Variants in CACNA2D3 observed in about 807,000 individuals in gnomAD.
The protein encoded by CACNA2D3 is voltage-dependent calcium channel subunit alpha-2/delta-3.
Under a neutral mutation model 160.6 loss-of-function variants are expected in CACNA2D3, and 60 were observed. The observed-to-expected ratio is 0.37, with a 90% CI of 0.30 to 0.46. The LOEUF (loss-of-function observed/expected upper bound fraction) is 0.46, where lower values mean the gene tolerates loss of function less well. Among genes scored for constraint, CACNA2D3 ranks in the 20% least tolerant of loss-of-function variants. The probability of loss-of-function intolerance (pLI) is 1.00; values close to 1 mark genes in which losing one functional copy is unlikely to be tolerated. For missense variants in CACNA2D3, 1,205 were observed against 1,365.0 expected, an observed-to-expected ratio of 0.88 and a Z score of 1.85; for synonymous variants, 558 against 492.9, an observed-to-expected ratio of 1.13 and a Z score of -1.75.
chr3:54,773,533 A>G (rs1702358829), intron 13 of CACNA2D3, among the ~76,000 whole-genome samples: 2 of 152,222 alleles, frequency 1.3e-5, no homozygotes, highest in Admixed American at 6.5e-5. Flanking sequence ...ATTAAATTTA[A>G]TAGCCTCCAG....
chr3:54,862,191 G>A (rs1479912875), intron 17 of CACNA2D3, among the ~76,000 whole-genome samples: 2 of 152,112 alleles, frequency 1.3e-5, no homozygotes, highest in Non-Finnish European at 2.9e-5. Context: ...CAGAAGAAGG[G>A]CCACCCCATT....
chr3:54,562,424 A>G (rs1702340336), intron 5 of CACNA2D3, among the ~76,000 whole-genome samples: 1 of 152,182 alleles, frequency 6.6e-6, no homozygotes, highest in African/African-American at 2.4e-5. Context: ...CCTATTTTTA[A>G]TGCCGAGTTT....
chr3:54,901,406 T>G (rs1700329354), intron 27 of CACNA2D3, among the ~76,000 whole-genome samples: 1 of 152,214 alleles, frequency 6.6e-6, no homozygotes, highest in Non-Finnish European at 1.5e-5. Context: ...CCAAATGCCT[T>G]ACATTTCATA....
intron 2 of CACNA2D3, 87 bp from the exon 3 acceptor site, chr3:54,320,355 A>G (rs1304841878): frequency 1.0e-5 from 6 of 580,466 alleles, no homozygotes; most frequent in Admixed American, 3.7e-5. Flanking sequence ...ATCTTTATTT[A>G]TTCCTTGTGG....
intron 14 of CACNA2D3, among the ~76,000 whole-genome samples, chr3:54,817,522 T>C (rs186388995): frequency 1.7e-3 from 253 of 152,338 alleles, no homozygotes; most frequent in Non-Finnish European, 2.7e-3. Context: ...CCTAAGGACA[T>C]TTATGGCAGA....
chr3:54,767,143 C>T (rs562045939), intron 13 of CACNA2D3, among the ~76,000 whole-genome samples: 2 of 151,814 alleles, frequency 1.3e-5, no homozygotes, highest in East Asian at 2.0e-4. Context: ...CTTTTGAAAG[C>T]ATATGAATGT....
In CACNA2D3 at chr3:54,667,504, TC is replaced by T. The variant is rs34890418; in HGVS notation, c.1167+25266del. Among the ~76,000 whole-genome samples, 65 of 152,296 alleles carry T rather than the reference TC, an allele frequency of 4.3e-4. 1 individual carries two copies. The highest frequency in any genetic ancestry group is 3.4e-3 in the Middle Eastern group (1 of 294). ...TATTCCTGTTCCATCAGAGACAATATCCCTACCATCACTCAAGCCAGGGTAT... is the reference window on the plus strand; with the variant it reads ...TATTCCTGTTCCATCAGAGACAATATCCTACCATCACTCAAGCCAGGGTAT... On this transcript the variant is annotated intron_variant, in intron 11 of 37. Coordinates refer to ENST00000474759, the MANE Select transcript of CACNA2D3 (RefSeq NM_018398.3).
At chr3:54,807,262 C>T (rs1316501806) in intron 13 of CACNA2D3, among the ~76,000 whole-genome samples, 1 of 152,178 alleles carries the variant, frequency 6.6e-6, no homozygotes, top group African/African-American at 2.4e-5. Context: ...TCAGAGTGAA[C>T]AGGCGACCTA....
chr3:54,123,638 A>C, intron 2 of CACNA2D3, 44 bp downstream of exon 2: 1 of 1,474,936 alleles, frequency 6.8e-7, no homozygotes, highest in Non-Finnish European at 9.5e-7. Flanking sequence ...TTTCCGGCAC[A>C]GAAAATGGAG....
chr3:54,582,070 C>A (rs1277170434), intron 9 of CACNA2D3, among the ~76,000 whole-genome samples, 193 bp downstream of exon 9: 2 of 152,170 alleles, frequency 1.3e-5, no homozygotes, highest in African/African-American at 4.8e-5. Flanking sequence ...AATTCAAAGG[C>A]TTGCTAGTTC....
At chr3:54,842,106 C>G (rs1386287044) in intron 16 of CACNA2D3, among the ~76,000 whole-genome samples, 2 of 152,216 alleles carry the variant, frequency 1.3e-5, no homozygotes, top group Non-Finnish European at 2.9e-5. Context: ...ATTTGAGAGA[C>G]TCATCCACAG....
chr3:54,646,833 A>C (rs996836063), intron 11 of CACNA2D3, among the ~76,000 whole-genome samples: 3 of 152,198 alleles, frequency 2.0e-5, no homozygotes, highest in Non-Finnish European at 4.4e-5. Context: ...AGGAATAACC[A>C]CACGGTCTTC....
chr3:54,280,728 C>T (rs1226783633), intron 2 of CACNA2D3, among the ~76,000 whole-genome samples: 1 of 152,120 alleles, frequency 6.6e-6, no homozygotes, highest in Non-Finnish European at 1.5e-5. Flanking sequence ...TGATCTCTTG[C>T]CTTTGAGCCT....
chr3:54,688,929 C>T (rs192427574), intron 11 of CACNA2D3, among the ~76,000 whole-genome samples: 1 of 122,246 alleles, frequency 8.2e-6, no homozygotes, highest in East Asian at 2.9e-4. Flanking sequence ...TTGCAGTGAG[C>T]TGAAATTGCA....
chr3:54,504,682 A>G (rs567038117), intron 5 of CACNA2D3, among the ~76,000 whole-genome samples: 1 of 152,326 alleles, frequency 6.6e-6, no homozygotes, highest in South Asian at 2.1e-4. Context: ...GGTTTCAAAG[A>G]TATCAGGGGC....
At chr3:54,723,048 A>T (rs1323930325) in intron 11 of CACNA2D3, among the ~76,000 whole-genome samples, 1 of 152,232 alleles carries the variant, frequency 6.6e-6, no homozygotes, top group Non-Finnish European at 1.5e-5. Context: ...TTTATCTATA[A>T]GTCCCTGACT....
intron 10 of CACNA2D3, among the ~76,000 whole-genome samples, chr3:54,641,742 T>G (rs969469038): frequency 6.6e-6 from 1 of 152,224 alleles, no homozygotes; most frequent in African/African-American, 2.4e-5. Context: ...GTCAGTCTTA[T>G]GATTGTGGTT....
At chr3:54,160,503 A>AAAAAT (rs774725726) in intron 2 of CACNA2D3, among the ~76,000 whole-genome samples, 22 of 152,314 alleles carry the variant, frequency 1.4e-4, no homozygotes, top group African/African-American at 3.6e-4. Flanking sequence ...CTGTCTCAAA[A>AAAAAT]AAAATAAAAT....
intron 4 of CACNA2D3, among the ~76,000 whole-genome samples, chr3:54,412,150 C>T (rs545009807): frequency 5.3e-5 from 8 of 152,192 alleles, no homozygotes; most frequent in South Asian, 2.1e-4. Context: ...GTCTGATATT[C>T]GTCCACAGTG....
Sources: gnomAD v4.1 joint callset for allele counts (sites outside exome capture counted in the v4.1 genomes callset) on GRCh38, gnomAD v4.1.1 for gene constraint, MANE v1.5 for transcripts, NCBI Gene and HGNC (gene_info 2026-07-23, HGNC 2026-07-21) for gene names.